EPB41L3: variants seen among roughly 807,000 people sequenced by gnomAD.
EPB41L3 encodes band 4.1-like protein 3.
A neutral mutation model predicts 127.1 loss-of-function variants in EPB41L3; 57 were observed. The observed-to-expected ratio is 0.45, with a 90% confidence interval of 0.36 to 0.56. The LOEUF is 0.56. EPB41L3 is among the 20% of genes least tolerant of loss of function. The pLI, the probability that EPB41L3 is intolerant of heterozygous loss-of-function variation, is 0.00. For synonymous variants in EPB41L3, 572 were observed against 549.5 expected (o/e 1.04, Z -0.57); for missense variants, 1,273 against 1,372.2 (o/e 0.93, Z 1.14).
intron 16 of EPB41L3, among the ~76,000 whole-genome samples, chr18:5,405,057 C>T (rs2075143071): frequency 1.3e-5 from 2 of 152,090 alleles, no homozygotes; most frequent in Admixed American, 1.3e-4. Context: ...TAAAAGGGTC[C>T]TTTTTAAGTC....
chr18:5,424,279 C>T lies in EPB41L3; in HGVS notation c.1146G>A (p.Glu382=). ...AAKRLWKVCV[E]HHTFFRLLLP... is the part of the protein sequence containing the mutation. Reference sequence around the variant, plus strand: ...CTTCCTACCTGAAAAATGTATGATGCTCAACACATACTTTCCATAAACGCT... The same window carrying T: ...CTTCCTACCTGAAAAATGTATGATGTTCAACACATACTTTCCATAAACGCT... Residue 382 remains glutamate, a synonymous_variant, in exon 10 of 23, where the codon GAG becomes GAA. Transcript: ENST00000341928. 3.1e-5 allele frequency: 50 copies of T among 1,600,402 alleles called. No individual in the cohort carries two copies. The highest frequency in any genetic ancestry group is 4.3e-5 in the Non-Finnish European group (50 of 1,173,922).
chr18:5,456,951 C>T (rs1323341485), intron 3 of EPB41L3, among the ~76,000 whole-genome samples: 6 of 152,354 alleles, frequency 3.9e-5, no homozygotes, highest in Non-Finnish European at 8.8e-5. Flanking sequence ...CAGGGAGGCG[C>T]GCTCACTGCA....
intron 3 of EPB41L3, among the ~76,000 whole-genome samples, chr18:5,455,827 GACA>G (rs1271591700): frequency 3.3e-5 from 5 of 150,888 alleles, no homozygotes; most frequent in African/African-American, 7.3e-5. Flanking sequence ...CAAACTGTCA[GACA>G]ACATTTCCTG....
chr18:5,398,651 C>T, intron 16 of EPB41L3: 2 of 400,736 alleles, frequency 5.0e-6, no homozygotes. Flanking sequence ...CACTGGTTAC[C>T]ACTACTCGGG....
Position 5,615,211 on chromosome 18 carries a change from T to A in EPB41L3, c.-467-788A>T, listed in dbSNP as rs188022489. 6.9e-3 allele frequency among the ~76,000 whole-genome samples: 1,054 copies of A among 152,190 alleles called. 16 individuals carry two copies. Among genetic ancestry groups the A allele is most frequent in the South Asian group, 0.027 (130 of 4,822 alleles). ...GTGTATCTAATTCAGACTTTTTTTT[T>A]AAACTGCTTCTTATATTTTCCTTTT... On this transcript the variant is annotated intron_variant, in intron 1 of 21. Transcript: ENST00000545076.
intron 3 of EPB41L3, among the ~76,000 whole-genome samples, chr18:5,553,444 C>A (rs1314168361): frequency 1.3e-5 from 2 of 152,178 alleles, no homozygotes; most frequent in African/African-American, 4.8e-5. Flanking sequence ...ATGCTCTTAA[C>A]CATGATGCTA....
At chr18:5,453,706 G>A (rs2082607006) in intron 3 of EPB41L3, among the ~76,000 whole-genome samples, 1 of 152,114 alleles carries the variant, frequency 6.6e-6, no homozygotes, top group African/African-American at 2.4e-5. Flanking sequence ...TTCTTCATGA[G>A]TATAGTATTT....
At chr18:5,395,740 G>T in intron 19 of EPB41L3, 33 bp from the exon 20 acceptor site, 1 of 1,557,736 alleles carries the variant, frequency 6.4e-7, no homozygotes, top group Non-Finnish European at 8.8e-7. Context: ...CCCTCATCCA[G>T]GTGCTCACAT....
intron 3 of EPB41L3, among the ~76,000 whole-genome samples, chr18:5,445,659 T>A (rs1034549234): frequency 6.6e-6 from 1 of 152,180 alleles, no homozygotes; most frequent in Non-Finnish European, 1.5e-5. Context: ...CTCAATTATC[T>A]AGATCAGGAG....
At chr18:5,574,073 A>G (rs2094312287) in intron 3 of EPB41L3, among the ~76,000 whole-genome samples, 2 of 152,010 alleles carry the variant, frequency 1.3e-5, no homozygotes, top group South Asian at 4.2e-4. Context: ...ACCTTTTAAT[A>G]ATATTAATAT....
Position 5,416,145 on chromosome 18 carries a change from G to T in EPB41L3, c.1740C>A (p.Gly580=), listed in dbSNP as rs2076784432. 1 of 1,613,942 alleles carries T rather than the reference G, an allele frequency of 6.2e-7. No individual in the cohort carries two copies. ...AGAAGGAGAACAGGGTGGTCCCCTT[G>T]CCAGTTTGCTGTCTGTAGCTAAAAG... The part of the protein sequence containing the change: ...DVAFSYRQQT[G]KGTTLFSFSL... Residue 580 remains glycine (G), a synonymous_variant, in exon 13 of 23, where the codon GGC becomes GGA. Coordinates refer to ENST00000341928, the MANE Select transcript of EPB41L3 (RefSeq NM_012307.5).
intron 1 of EPB41L3, among the ~76,000 whole-genome samples, chr18:5,518,299 G>T (rs151199300): frequency 2.0e-5 from 3 of 151,776 alleles, no homozygotes; most frequent in African/African-American, 7.3e-5. Context: ...CTAGAGCCTC[G>T]CACTGTAATA....
chr18:5,626,139 T>C (rs1277724826), intron 1 of EPB41L3, among the ~76,000 whole-genome samples: 1 of 152,162 alleles, frequency 6.6e-6, no homozygotes, highest in Non-Finnish European at 1.5e-5. Context: ...CATCTGGCAT[T>C]CTTCCCACAG....
In EPB41L3 at chr18:5,461,011, C is replaced by T. The variant is rs950723001; in HGVS notation, c.382-15767G>A. Among the ~76,000 whole-genome samples, 8 of 152,216 alleles carry T rather than the reference C, an allele frequency of 5.3e-5. 1 individual carries two copies. Among genetic ancestry groups the T allele is most frequent in the Admixed American group, 4.6e-4 (7 of 15,302 alleles). The stretch of plus-strand genomic sequence containing the variant: ...CTTTTGAAATATTACATTTCCAGTT[C>T]TGGTGGTGGTGTTTTATTTTTTTCC... On this transcript the variant is annotated intron_variant, in intron 3 of 22. Transcript: ENST00000341928.
At position 5,543,067 on chromosome 18, in the gene EPB41L3, G is replaced by A. The variant is rs2093783016; in HGVS notation, c.-12+846C>T. Among the ~76,000 whole-genome samples the A allele has an allele frequency of 6.6e-6, 1 of 151,820 alleles. No homozygotes were observed. ...CGGCCCCGAGGGCGCCAGGTGAGTC[G>A]CGCCGCCCCGAGCCCCCGGGCCACG... On this transcript the variant is annotated intron_variant, in intron 1 of 22. Transcript: ENST00000341928. The surrounding 1 kb of genome is among the most constrained non-coding windows in gnomAD (Gnocchi z 5.2).
intron 3 of EPB41L3, chr18:5,570,828 G>A (rs1366386672): frequency 1.3e-5 from 2 of 152,172 alleles, no homozygotes; most frequent in Admixed American, 1.3e-4. Context: ...CAACGGAGAT[G>A]TGGCAAGAGA....
chr18:5,619,922 T>A (rs1354848106), intron 1 of EPB41L3, among the ~76,000 whole-genome samples: 1 of 152,180 alleles, frequency 6.6e-6, no homozygotes, highest in Admixed American at 6.5e-5. Flanking sequence ...AGCAATAGAT[T>A]GTTATTAGAT....
chr18:5,423,319 G>C (rs1345983201), intron 11 of EPB41L3, 59 bp downstream of exon 11: 20 of 1,463,648 alleles, frequency 1.4e-5, no homozygotes, highest in Non-Finnish European at 1.8e-5. Flanking sequence ...GCTCATGACA[G>C]TTTCACATTC....
intron 1 of EPB41L3, among the ~76,000 whole-genome samples, chr18:5,527,128 G>C (rs2093251799): frequency 6.6e-6 from 1 of 152,054 alleles, no homozygotes; most frequent in Admixed American, 6.6e-5. Flanking sequence ...CATTCTTAAG[G>C]GGGAGAAATT....
Sources: gnomAD v4.1 joint callset for allele counts (sites outside exome capture counted in the v4.1 genomes callset) on GRCh38, gnomAD v4.1.1 for gene constraint, Gnocchi (gnomAD v3.1) non-coding constraint, MANE v1.5 for transcripts, NCBI Gene and HGNC (gene_info 2026-07-23, HGNC 2026-07-21) for gene names.